ZNF594: variants seen among roughly 807,000 people sequenced by gnomAD.
ZNF594 encodes zinc finger protein 594.
For synonymous variants in ZNF594, 336 were observed against 309.4 expected (o/e 1.09, Z -0.90); for missense variants, 1,037 against 964.6 (o/e 1.08, Z -0.99).
At chr17:5,174,640 G>A (rs2074288165), downstream of ZNF594, 2 of 196,570 alleles carry the variant, frequency 1.0e-5, no homozygotes, top group Non-Finnish European at 2.1e-5. Context: ...TTAAAAAGTG[G>A]AAGATTTTAA....
Position 5,182,583 on chromosome 17 carries a change from C to T in ZNF594, c.1674G>A (p.Glu558=). The change falls in exon 2 of 2, where the codon GAG becomes GAA. Residue 558 remains glutamate, a synonymous_variant. Coordinates refer to ENST00000575779, the MANE Select transcript of ZNF594 (RefSeq NM_032530.2). ...CTTTCGCTTCCTGGTGAATTTTCTGCTCTCCCCTAAGCTCCTCATCCTGGC... is the reference window on the plus strand; with the variant it reads ...CTTTCGCTTCCTGGTGAATTTTCTGTTCTCCCCTAAGCTCCTCATCCTGGC... ...TFSQDEELRG[E]QKIHQEAKAY... is the part of the protein sequence containing the mutation. 1 of 1,604,400 alleles carries T rather than the reference C, an allele frequency of 6.2e-7. No individual in the cohort carries two copies. Among genetic ancestry groups the T allele is most frequent in the Non-Finnish European group, 8.5e-7 (1 of 1,178,354 alleles).
At chr17:5,185,352 G>A (rs1216083119) in intron 1 of ZNF594, among the ~76,000 whole-genome samples, 1 of 152,194 alleles carries the variant, frequency 6.6e-6, no homozygotes, top group African/African-American at 2.4e-5. Flanking sequence ...AGAAACCCCT[G>A]ATAAAATCAT....
downstream of ZNF594, among the ~76,000 whole-genome samples, chr17:5,176,287 T>C (rs1461198165): frequency 4.0e-5 from 6 of 148,838 alleles, no homozygotes; most frequent in South Asian, 6.4e-4. Context: ...CCCAGCTACT[T>C]GGGAGGCTGA....
chr17:5,178,329 T>G (rs766576741), downstream of ZNF594, among the ~76,000 whole-genome samples: 18 of 152,262 alleles, frequency 1.2e-4, no homozygotes, highest in Admixed American at 6.5e-5. Flanking sequence ...GAAAAACATA[T>G]GATTATTTAC....
intron 1 of ZNF594, among the ~76,000 whole-genome samples, chr17:5,187,446 C>G (rs529243735): frequency 8.5e-5 from 13 of 152,222 alleles, no homozygotes; most frequent in Non-Finnish European, 1.8e-4. Context: ...CAAACCATAT[C>G]AGTCAGTCAC....
intron 1 of ZNF594, among the ~76,000 whole-genome samples, chr17:5,185,152 T>C (rs1051484684): frequency 3.3e-5 from 5 of 152,210 alleles, no homozygotes; most frequent in African/African-American, 9.7e-5. Flanking sequence ...CGTTATCAAA[T>C]CCCTGACCTT....
Position 5,189,519 on chromosome 17 carries a change from G to A in ZNF594, c.-21+2229C>T, listed in dbSNP as rs577615638. On this transcript the variant is annotated intron_variant, in intron 1 of 1. Transcript: ENST00000575779. ...CTCCCAAAGTGCTAGCATTACAGGC[G>A]TGAGCCACTGTGCCCAGCTTGTTTT... 1.6e-4 allele frequency among the ~76,000 whole-genome samples: 24 copies of A among 149,656 alleles called. No homozygotes were observed. The East Asian group carries it at 3.0e-3, about 19-fold the overall frequency.
chr17:5,189,683 A>G (rs994202612), intron 1 of ZNF594, among the ~76,000 whole-genome samples: 1 of 151,410 alleles, frequency 6.6e-6, no homozygotes, highest in Non-Finnish European at 1.5e-5. Context: ...CACCATACCC[A>G]GCTAGTTTAA....
At chr17:5,175,992 A>AT (rs1206232716), downstream of ZNF594, among the ~76,000 whole-genome samples, 1 of 152,242 alleles carries the variant, frequency 6.6e-6, no homozygotes, top group Non-Finnish European at 1.5e-5. Flanking sequence ...ACAAAGAGGG[A>AT]TTTTTTGTTT....
chr17:5,177,235 C>A (rs893502213), downstream of ZNF594, among the ~76,000 whole-genome samples: 1 of 150,080 alleles, frequency 6.7e-6, no homozygotes, highest in Non-Finnish European at 1.5e-5. Flanking sequence ...AATATTAATA[C>A]ACTTAAGAAA....
chr17:5,187,545 G>A (rs189672621), intron 1 of ZNF594, among the ~76,000 whole-genome samples: 41 of 152,310 alleles, frequency 2.7e-4, no homozygotes, highest in Non-Finnish European at 4.1e-4. Context: ...TGGAGTGAAT[G>A]AGCAGCAACA....
In ZNF594 at chr17:5,183,890, T is replaced by C; in HGVS notation, c.367A>G (p.Ile123Val). 1 of 1,613,538 alleles carries C rather than the reference T, an allele frequency of 6.2e-7. No individual in the cohort carries two copies. Among genetic ancestry groups the C allele is most frequent in the Non-Finnish European group, 8.5e-7 (1 of 1,179,926 alleles). ...TCCTTACATTCATAGGTCTTATTTA[T>C]ATTATGAATTTTCTGATGTTCAGTT... ...GLTEHQKIHN[I>V]NKTYECKECE... Residue 123 changes from isoleucine (I) to valine (V), a missense_variant, in exon 2 of 2, where the codon ATA becomes GTA. Physicochemically the swap from Ile to Val is conservative, Grantham distance 29. Transcript: ENST00000575779.
chr17:5,176,386 ACT>A (rs1458770873), downstream of ZNF594, among the ~76,000 whole-genome samples: 2 of 139,138 alleles, frequency 1.4e-5, no homozygotes, highest in Non-Finnish European at 1.6e-5. Flanking sequence ...CAAGAGCAAA[ACT>A]CTGTCTCAAA....
At chr17:5,190,926 C>T (rs2641268) in intron 1 of ZNF594, among the ~76,000 whole-genome samples, 3,063 of 152,222 alleles carry the variant, frequency 0.02, 50 homozygotes, top group Non-Finnish European at 0.031. Context: ...AAGCAAAACC[C>T]CTGCATTTAT....
chr17:5,177,469 G>A (rs1744095332), downstream of ZNF594, among the ~76,000 whole-genome samples: 1 of 152,136 alleles, frequency 6.6e-6, no homozygotes, highest in African/African-American at 2.4e-5. Flanking sequence ...CAGCACTTTG[G>A]GAGTTCGAGG....
In ZNF594 at chr17:5,181,165, G is replaced by T; in HGVS notation, c.*668C>A. ...CATTCATAGGGTTTCTCTCCAGTAT[G>T]AACACGATGGTGTCTAATAAGATCT... On this transcript the variant is annotated 3_prime_UTR_variant, in exon 2 of 2. Transcript: ENST00000575779. 6.2e-7 allele frequency: 1 copy of T among 1,609,316 alleles called. No individual in the cohort carries two copies. Among genetic ancestry groups the T allele is most frequent in the South Asian group, 1.1e-5 (1 of 91,000 alleles).
At chr17:5,184,971 T>A (rs2144252962) in intron 1 of ZNF594, among the ~76,000 whole-genome samples, 1 of 152,368 alleles carries the variant, frequency 6.6e-6, no homozygotes, top group African/African-American at 2.4e-5. Flanking sequence ...AAATCTGTAC[T>A]ATGCCTCAGA....
In ZNF594 at chr17:5,182,442, G is replaced by A. The variant is rs377683876; in HGVS notation, c.1815C>T (p.Phe605=). The change falls in exon 2 of 2, where the codon TTC becomes TTT. Residue 605 remains phenylalanine, a synonymous_variant. Coordinates refer to ENST00000575779, the MANE Select transcript of ZNF594 (RefSeq NM_032530.2). The part of the protein sequence containing the change: ...PYECKECGKT[F]NQSSDLLRHH... ...GTCTCAGAAGGTCTGAGCTCTGATTGAAAGTTTTCCCACATTCTTTGCATT... is the reference window on the plus strand; with the variant it reads ...GTCTCAGAAGGTCTGAGCTCTGATTAAAAGTTTTCCCACATTCTTTGCATT... 5.0e-6 allele frequency: 8 copies of A among 1,611,940 alleles called. No individual in the cohort carries two copies. The highest frequency in any genetic ancestry group is 2.2e-5 in the East Asian group (1 of 44,806).
rs2074372028 is a variant in ZNF594 at position 5,184,262 on chromosome 17, T to C, written c.-6A>G. 1 of 1,606,504 alleles carries C rather than the reference T, an allele frequency of 6.2e-7. No individual in the cohort carries two copies. Among genetic ancestry groups the C allele is most frequent in the African/African-American group, 1.3e-5 (1 of 74,406 alleles). On this transcript the variant is annotated 5_prime_UTR_variant, in exon 2 of 2. Coordinates refer to ENST00000575779, the MANE Select transcript of ZNF594 (RefSeq NM_032530.2). ...TTTGATTTCCATTCCTTCATCTTAT[T>C]CCTGTCTTCAGAATCTGAAATGATA...
Sources: allele counts gnomAD v4.1 joint callset (sites outside exome capture counted in the v4.1 genomes callset), GRCh38; gene constraint gnomAD v4.1.1; transcripts MANE v1.5; gene names NCBI Gene and HGNC (gene_info 2026-07-23, HGNC 2026-07-21).